The following MTHFSD variants were observed in gnomAD, a reference collection of about 807,000 sequenced individuals.
MTHFSD encodes methenyltetrahydrofolate synthetase domain containing.
A neutral mutation model predicts 31.1 loss-of-function variants in MTHFSD; 37 were observed. The ratio of observed to expected loss-of-function variants is 1.19; its 90% CI spans 0.91 to 1.56. MTHFSD has a LOEUF of 1.56. Ranked by LOEUF, MTHFSD falls within the 40% of genes most tolerant of loss-of-function variation. The pLI, the probability that MTHFSD is intolerant of heterozygous loss-of-function variation, is 0.00. For missense variants in MTHFSD, 664 were observed against 510.1 expected, an observed-to-expected ratio of 1.30 and a Z score of -2.91; for synonymous variants, 221 against 206.9, an observed-to-expected ratio of 1.07 and a Z score of -0.59.
Position 86,548,454 on chromosome 16 carries a change from T to C in MTHFSD, c.351+10A>G. 2 of 1,607,576 alleles carry C rather than the reference T, an allele frequency of 1.2e-6. No individual in the cohort carries two copies. The highest frequency in any genetic ancestry group is 1.7e-6 in the Non-Finnish European group (2 of 1,174,444). On this transcript the variant is annotated intron_variant, in intron 4 of 7. Transcript: ENST00000360900. ...CTTTCCTAGGTGGGGACATTGCTTC[T>C]GGTACTTACCTGAGAGGTGGCACAT...
intron 2 of MTHFSD, chr16:86,553,648 G>A (rs888173395): frequency 3.9e-4 from 61 of 156,398 alleles, no homozygotes; most frequent in Admixed American, 5.9e-4. Flanking sequence ...CCCCACCGGC[G>A]GGCTCCTGTG....
chr16:86,552,840 G>A (rs1973368662), intron 2 of MTHFSD, among the ~76,000 whole-genome samples: 1 of 152,186 alleles, frequency 6.6e-6, no homozygotes, highest in Non-Finnish European at 1.5e-5. Flanking sequence ...CCAGGCTTGG[G>A]GAGAGGCAGT....
intron 5 of MTHFSD, among the ~76,000 whole-genome samples, chr16:86,545,256 A>G (rs1972122285): frequency 6.6e-6 from 1 of 152,232 alleles, no homozygotes; most frequent in South Asian, 2.1e-4. Context: ...ACTATGTACA[A>G]CGTCTACACT....
chr16:86,549,090 C>G (rs533927191), intron 3 of MTHFSD, among the ~76,000 whole-genome samples: 1 of 152,244 alleles, frequency 6.6e-6, no homozygotes, highest in African/African-American at 2.4e-5. Flanking sequence ...TACACTGATA[C>G]GTGCCAATAG....
Position 86,540,616 on chromosome 16 carries a change from C to A in MTHFSD, c.681+1081G>T, listed in dbSNP as rs191899003. ...CTTCCCACCATCCCTGTTCTCGGCT[C>A]TGAGGAGCCGCCAGCCTTATGCTCT... On this transcript the variant is annotated intron_variant, in intron 7 of 7. Coordinates refer to ENST00000360900, the MANE Select transcript of MTHFSD (RefSeq NM_001159377.2). 743 of 958,358 alleles carry A rather than the reference C, an allele frequency of 7.8e-4. 2 individuals are homozygous for A. The highest frequency in any genetic ancestry group is 1.6e-3 in the Middle Eastern group (3 of 1,880). 59.4% of individuals were successfully genotyped at this position (958,358 alleles called of 1,614,324 possible). A position where few individuals can be genotyped will look rare whatever the true frequency, so the allele number is the denominator to read the frequency against.
chr16:86,552,351 G>A (rs1973289182), intron 2 of MTHFSD: 1 of 1,431,774 alleles, frequency 7.0e-7, no homozygotes, highest in Non-Finnish European at 9.4e-7. Flanking sequence ...GCCAACTGCA[G>A]CCCAAGCAGC....
In MTHFSD at chr16:86,552,318, C is replaced by T. The variant is rs189792449; in HGVS notation, c.124-172G>A. On this transcript the variant is annotated intron_variant, in intron 2 of 7. Coordinates refer to ENST00000360900, the MANE Select transcript of MTHFSD (RefSeq NM_001159377.2). ...CTGTTTCCAATGCAATCGCACGTTACTGAAAGGACAGCACGCTCTCAGGCC... is the reference window on the plus strand; with the variant it reads ...CTGTTTCCAATGCAATCGCACGTTATTGAAAGGACAGCACGCTCTCAGGCC... The T allele has an allele frequency of 2.7e-4, 409 of 1,531,558 alleles. 1 individual carries two copies. Among genetic ancestry groups the T allele is most frequent in the East Asian group, 2.4e-3 (98 of 40,746 alleles). 94.9% of individuals were successfully genotyped at this position (1,531,558 alleles called of 1,614,324 possible).
chr16:86,540,542 C>T (rs1971352166), intron 7 of MTHFSD, among the ~76,000 whole-genome samples: 1 of 152,218 alleles, frequency 6.6e-6, no homozygotes, highest in South Asian at 2.1e-4. Context: ...GACGCGCAGG[C>T]CTAGAGGGAC....
intron 7 of MTHFSD, among the ~76,000 whole-genome samples, chr16:86,539,916 TC>T (rs1489960784): frequency 1.3e-5 from 2 of 152,164 alleles, no homozygotes; most frequent in East Asian, 3.8e-4. Context: ...ATTCTTAGAT[TC>T]TAAAACCTAT....
At chr16:86,540,923 C>A in intron 7 of MTHFSD, 2 of 1,134,086 alleles carry the variant, frequency 1.8e-6, no homozygotes, top group Non-Finnish European at 2.2e-6. Context: ...TGGGCTGTGG[C>A]AAAAGCAGCA....
chr16:86,550,619 A>G (rs1288153806), intron 3 of MTHFSD, among the ~76,000 whole-genome samples: 1 of 152,234 alleles, frequency 6.6e-6, no homozygotes, highest in East Asian at 1.9e-4. Context: ...CTCCCATAGT[A>G]GTAGAGAACC....
At chr16:86,554,353 C>G (rs758274313) in intron 2 of MTHFSD, among the ~76,000 whole-genome samples, 2 of 152,160 alleles carry the variant, frequency 1.3e-5, no homozygotes, top group Non-Finnish European at 2.9e-5. Flanking sequence ...ACACTCACTG[C>G]GAGGCTTCAT....
In MTHFSD at chr16:86,548,453, C is replaced by T. The variant is rs748486787; in HGVS notation, c.351+11G>A. 6.2e-7 allele frequency: 1 copy of T among 1,607,160 alleles called. No individual in the cohort carries two copies. The highest frequency in any genetic ancestry group is 1.1e-5 in the South Asian group (1 of 90,674). ...TCTTTCCTAGGTGGGGACATTGCTT[C>T]TGGTACTTACCTGAGAGGTGGCACA... is the stretch of plus-strand genomic sequence containing the variant. On this transcript the variant is annotated intron_variant, in intron 4 of 7. Transcript: ENST00000360900.
intron 7 of MTHFSD, among the ~76,000 whole-genome samples, chr16:86,538,202 A>C (rs1970981919): frequency 7.0e-6 from 1 of 143,710 alleles, no homozygotes; most frequent in African/African-American, 2.6e-5. Context: ...CTCTGTCTCC[A>C]AGGTATTCTT....
At chr16:86,536,502 A>G (rs888621855) in intron 7 of MTHFSD, among the ~76,000 whole-genome samples, 3 of 152,126 alleles carry the variant, frequency 2.0e-5, no homozygotes, top group Non-Finnish European at 4.4e-5. Flanking sequence ...CCCCTTTACA[A>G]TCACGCTTCG....
At chr16:86,540,693 A>G (rs2143557972) in intron 7 of MTHFSD, 1 of 987,130 alleles carries the variant, frequency 1.0e-6, no homozygotes, top group Non-Finnish European at 1.2e-6. Context: ...AGAGTTCCCA[A>G]GTGAAAGACT....
In MTHFSD at chr16:86,548,461, T is replaced by C; in HGVS notation, c.351+3A>G. ...AGGTGGGGACATTGCTTCTGGTACT[T>C]ACCTGAGAGGTGGCACATTTTCTCA... On this transcript the variant is annotated splice_donor_region_variant and intron_variant, in intron 4 of 7. Transcript: ENST00000360900. 6.2e-7 allele frequency: 1 copy of C among 1,611,542 alleles called. No homozygotes were observed. The highest frequency in any genetic ancestry group is 8.5e-7 in the Non-Finnish European group (1 of 1,177,916).
At chr16:86,547,083 G>C in intron 4 of MTHFSD, 1 of 828,912 alleles carries the variant, frequency 1.2e-6, no homozygotes, top group South Asian at 5.2e-5. Flanking sequence ...CTGCCTCGTC[G>C]GACCAGTGTT....
At chr16:86,536,548 G>C (rs577069801) in intron 7 of MTHFSD, among the ~76,000 whole-genome samples, 1 of 152,346 alleles carries the variant, frequency 6.6e-6, no homozygotes, top group Non-Finnish European at 1.5e-5. Context: ...GGCAAGGCCT[G>C]CATCTCCCAA....
Sources: allele counts gnomAD v4.1 joint callset (sites outside exome capture counted in the v4.1 genomes callset), GRCh38; gene constraint gnomAD v4.1.1; transcripts MANE v1.5; gene names NCBI Gene and HGNC (gene_info 2026-07-23, HGNC 2026-07-21).